Variants in NPL observed in about 807,000 individuals in gnomAD.
NPL encodes the protein N-acetylneuraminate pyruvate lyase, also known as N-acetylneuraminate lyase.
NPL carries 32 observed loss-of-function variants against 41.1 expected under a neutral mutation model. The ratio of observed to expected loss-of-function variants is 0.78; its 90% CI spans 0.59 to 1.05. The LOEUF (loss-of-function observed/expected upper bound fraction) is 1.05. Among genes scored for constraint, NPL ranks in the 50% least tolerant of loss-of-function variants. The pLI is 0.00. For missense variants in NPL, 321 were observed against 378.4 expected (o/e 0.85, Z 1.26); for synonymous variants, 128 against 134.9 (o/e 0.95, Z 0.35).
intron 2 of NPL, 30 bp from the exon 3 acceptor site, chr1:182,794,326 A>G: frequency 6.3e-7 from 1 of 1,575,754 alleles, no homozygotes; most frequent in Non-Finnish European, 8.7e-7. Flanking sequence ...TCCTTGAAGA[A>G]AGAGAGAAAT....
chr1:182,799,597 A>T (rs1666773352), intron 3 of NPL, among the ~76,000 whole-genome samples: 1 of 152,020 alleles, frequency 6.6e-6, no homozygotes, highest in African/African-American at 2.4e-5. Context: ...GTAATTAAAA[A>T]AAAAAGTTAA....
chr1:182,796,185 AAG>A (rs1553232672), intron 3 of NPL, among the ~76,000 whole-genome samples: 34 of 150,258 alleles, frequency 2.3e-4, no homozygotes, highest in South Asian at 4.2e-4. Flanking sequence ...AAAAAAAAAA[AAG>A]AATGCATTAT....
At chr1:182,815,112 C>G (rs1667287792) in intron 7 of NPL, among the ~76,000 whole-genome samples, 1 of 152,084 alleles carries the variant, frequency 6.6e-6, no homozygotes, top group Admixed American at 6.6e-5. Context: ...TCTGTAGATG[C>G]CTGTTTGGGT....
chr1:182,807,028 TG>T lies in NPL; in HGVS notation c.230+800del, dbSNP rs1357888203. Among the ~76,000 whole-genome samples the T allele has an allele frequency of 9.2e-5, 14 of 152,094 alleles. 1 individual carries two copies. Among genetic ancestry groups the T allele is most frequent in the Non-Finnish European group, 1.3e-4 (9 of 67,982 alleles). On this transcript the variant is annotated intron_variant, in intron 5 of 12. Coordinates refer to ENST00000367553, the MANE Select transcript of NPL (RefSeq NM_030769.3). Reference sequence around the variant, plus strand: ...TAATTTTTTGTATTTTTAATAGAGATGGGGTTTCACTGTGTTAGTCAGGATG... The same window carrying T: ...TAATTTTTTGTATTTTTAATAGAGATGGGTTTCACTGTGTTAGTCAGGATG...
chr1:182,818,793 T>C lies in NPL; in HGVS notation c.607-20T>C, dbSNP rs768575094. 6.2e-7 allele frequency: 1 copy of C among 1,614,042 alleles called. No individual in the cohort carries two copies. The highest frequency in any genetic ancestry group is 1.7e-5 in the Admixed American group (1 of 60,026). ...TCTTTCTCTTTTTTATACAAGTGAATATTTTTTGTTTCTGATTAGCAACTG... is the reference window on the plus strand; with the variant it reads ...TCTTTCTCTTTTTTATACAAGTGAACATTTTTTGTTTCTGATTAGCAACTG... On this transcript the variant is annotated intron_variant, in intron 9 of 12. Coordinates refer to ENST00000367553, the MANE Select transcript of NPL (RefSeq NM_030769.3).
At chr1:182,803,451 A>G (rs947432736) in intron 3 of NPL, among the ~76,000 whole-genome samples, 33 of 152,238 alleles carry the variant, frequency 2.2e-4, no homozygotes, top group African/African-American at 7.7e-4. Context: ...GTGTAAATAT[A>G]AAGCCTCTGT....
At chr1:182,824,139 CTTTG>C (rs765532841) in intron 11 of NPL, among the ~76,000 whole-genome samples, 1 of 152,182 alleles carries the variant, frequency 6.6e-6, no homozygotes, top group African/African-American at 2.4e-5. Flanking sequence ...TTCCTTGCAG[CTTTG>C]TTTGTAACAG....
At chr1:182,825,992 C>T (rs553029665) in intron 12 of NPL, 172 bp downstream of exon 12, 1 of 677,954 alleles carries the variant, frequency 1.5e-6, no homozygotes, top group Non-Finnish European at 2.7e-6. Flanking sequence ...GTGAAGTAAA[C>T]CTAGTTGGAA....
chr1:182,804,262 G>A (rs116441526), intron 4 of NPL, among the ~76,000 whole-genome samples: 1,761 of 152,186 alleles, frequency 0.012, 18 homozygotes, highest in South Asian at 0.056. Flanking sequence ...CTGGGTAGCC[G>A]GACTATAGGC....
intron 11 of NPL, among the ~76,000 whole-genome samples, chr1:182,824,802 CATAATA>C (rs999453278): frequency 2.0e-5 from 3 of 151,938 alleles, no homozygotes; most frequent in Admixed American, 6.5e-5. Flanking sequence ...GTCTCAAAAA[CATAATA>C]ATAAAATAAA....
At chr1:182,810,614 A>G (rs982309192) in intron 5 of NPL, among the ~76,000 whole-genome samples, 1 of 152,004 alleles carries the variant, frequency 6.6e-6, no homozygotes, top group African/African-American at 2.4e-5. Flanking sequence ...AAAATCCCTA[A>G]TGATTCTTTA....
chr1:182,797,593 C>T (rs1366454889), intron 3 of NPL, among the ~76,000 whole-genome samples: 5 of 152,192 alleles, frequency 3.3e-5, no homozygotes, highest in African/African-American at 9.7e-5. Flanking sequence ...TTTCTACCAC[C>T]ATCTTCTTCT....
chr1:182,800,736 T>TC (rs1163505678), intron 3 of NPL, among the ~76,000 whole-genome samples: 1 of 147,914 alleles, frequency 6.8e-6, no homozygotes, highest in Non-Finnish European at 1.5e-5. Context: ...TTTTTTTTTT[T>TC]TTTTTTTTTT....
intron 10 of NPL, 107 bp downstream of exon 10, chr1:182,818,966 C>T (rs1348212712): frequency 4.1e-6 from 4 of 972,990 alleles, no homozygotes; most frequent in Non-Finnish European, 5.0e-6. Flanking sequence ...TAGAAGTTTC[C>T]TTTCTTTTCC....
At chr1:182,796,268 G>T (rs1171526603) in intron 3 of NPL, among the ~76,000 whole-genome samples, 3 of 150,982 alleles carry the variant, frequency 2.0e-5, no homozygotes, top group Non-Finnish European at 4.4e-5. Flanking sequence ...AGCCATGTTA[G>T]TTCCCTTTTC....
At chr1:182,815,580 G>T (rs2102556065) in intron 7 of NPL, among the ~76,000 whole-genome samples, 1 of 152,202 alleles carries the variant, frequency 6.6e-6, no homozygotes, top group African/African-American at 2.4e-5. Flanking sequence ...AGTTTAAAAT[G>T]AACATTTTTA....
At chr1:182,821,782 C>T (rs936730795) in intron 10 of NPL, among the ~76,000 whole-genome samples, 2 of 152,220 alleles carry the variant, frequency 1.3e-5, no homozygotes, top group Admixed American at 6.5e-5. Context: ...TACCTTTTAT[C>T]CACAGTTCTT....
chr1:182,806,397 A>C, intron 5 of NPL, 165 bp downstream of exon 5: 1 of 1,542,780 alleles, frequency 6.5e-7, no homozygotes, highest in Non-Finnish European at 8.7e-7. Context: ...CTTGGAGAAG[A>C]GCCCCCTCCC....
intron 3 of NPL, among the ~76,000 whole-genome samples, chr1:182,797,946 A>G (rs573680689): frequency 7.9e-5 from 12 of 152,350 alleles, no homozygotes; most frequent in African/African-American, 2.9e-4. Context: ...TTATGAGTGA[A>G]TATACTGCAG....
Sources: gnomAD v4.1 joint callset for allele counts (sites outside exome capture counted in the v4.1 genomes callset) on GRCh38, gnomAD v4.1.1 for gene constraint, MANE v1.5 for transcripts, NCBI Gene and HGNC (gene_info 2026-07-23, HGNC 2026-07-21) for gene names.